The following HTR1F variants were observed in gnomAD, a reference collection of about 807,000 sequenced individuals.
The protein encoded by HTR1F is 5-hydroxytryptamine (serotonin) receptor 1F, G protein-coupled.
In HTR1F, 17 loss-of-function variants were observed where a neutral mutation model predicts 24.0. The observed-to-expected ratio is 0.71, with a 90% CI of 0.48 to 1.06. The LOEUF (loss-of-function observed/expected upper bound fraction) is 1.06. Among genes scored for constraint, HTR1F ranks in the 50% least tolerant of loss-of-function variants. The probability of loss-of-function intolerance (pLI) is 0.00; values close to 1 mark genes in which losing one functional copy is unlikely to be tolerated. For synonymous variants in HTR1F, 186 were observed against 156.8 expected, an observed-to-expected ratio of 1.19 and a Z score of -1.39; for missense variants, 391 against 427.8, an observed-to-expected ratio of 0.91 and a Z score of 0.76.
At chr3:87,889,212 C>G (rs566929642) in intron 2 of HTR1F, among the ~76,000 whole-genome samples, 1 of 152,234 alleles carries the variant, frequency 6.6e-6, no homozygotes, top group African/African-American at 2.4e-5. Context: ...CAGTCTTAAA[C>G]TTTCCAGCCA....
At chr3:87,911,947 T>C (rs1304378118) in intron 2 of HTR1F, among the ~76,000 whole-genome samples, 1 of 152,026 alleles carries the variant, frequency 6.6e-6, no homozygotes, top group Non-Finnish European at 1.5e-5. Flanking sequence ...TATAACAAAC[T>C]GACAGCCAAC....
intron 2 of HTR1F, among the ~76,000 whole-genome samples, chr3:87,855,874 A>C (rs1044217308): frequency 6.6e-6 from 1 of 152,020 alleles, no homozygotes; most frequent in Non-Finnish European, 1.5e-5. Flanking sequence ...TCTCAGTATT[A>C]GATTAACTCT....
At chr3:87,915,659 A>C (rs1432125987) in intron 2 of HTR1F, among the ~76,000 whole-genome samples, 1 of 152,156 alleles carries the variant, frequency 6.6e-6, no homozygotes, top group Non-Finnish European at 1.5e-5. Context: ...AAAGACAAAG[A>C]AAAAAGAATG....
chr3:87,806,412 T>A (rs1435654193), intron 1 of HTR1F, among the ~76,000 whole-genome samples: 1 of 152,092 alleles, frequency 6.6e-6, no homozygotes, highest in African/African-American at 2.4e-5. Flanking sequence ...ATTTTTTGTC[T>A]TTTTAAAAAT....
intron 2 of HTR1F, among the ~76,000 whole-genome samples, chr3:87,940,102 T>C (rs1223383742): frequency 6.6e-6 from 1 of 152,192 alleles, no homozygotes; most frequent in Non-Finnish European, 1.5e-5. Context: ...TATTTATTTC[T>C]GCCTTAATTT....
chr3:87,809,308 C>T (rs1186596501), intron 1 of HTR1F, among the ~76,000 whole-genome samples: 1 of 151,870 alleles, frequency 6.6e-6, no homozygotes, highest in Non-Finnish European at 1.5e-5. Flanking sequence ...TTATAAATCA[C>T]TCTTAATCGT....
At chr3:87,888,249 C>T (rs1706001499) in intron 2 of HTR1F, among the ~76,000 whole-genome samples, 1 of 152,076 alleles carries the variant, frequency 6.6e-6, no homozygotes, top group Non-Finnish European at 1.5e-5. Context: ...TTCTTTCACT[C>T]ATAGGTGTGA....
At chr3:87,850,924 C>T (rs1705072541) in intron 2 of HTR1F, among the ~76,000 whole-genome samples, 1 of 151,082 alleles carries the variant, frequency 6.6e-6, no homozygotes, top group Non-Finnish European at 1.5e-5. Flanking sequence ...TTTTTATTTA[C>T]CTAAATTTTC....
intron 1 of HTR1F, among the ~76,000 whole-genome samples, chr3:87,801,517 G>T (rs111386738): frequency 6.6e-6 from 1 of 152,014 alleles, no homozygotes; most frequent in Middle Eastern, 3.2e-3. Flanking sequence ...GACATGAGAC[G>T]TCAATCAATA....
chr3:87,927,927 G>A (rs190139260), intron 2 of HTR1F, among the ~76,000 whole-genome samples: 1 of 152,014 alleles, frequency 6.6e-6, no homozygotes, highest in Admixed American at 6.6e-5. Context: ...TATATCAATG[G>A]TAATCAAGAA....
chr3:87,874,896 C>T (rs768167736), intron 2 of HTR1F, among the ~76,000 whole-genome samples: 1 of 152,040 alleles, frequency 6.6e-6, no homozygotes, highest in Admixed American at 6.6e-5. Flanking sequence ...AGGGTAGTCT[C>T]CTCAACAAAT....
At chr3:87,846,947 T>C (rs1419127171) in intron 2 of HTR1F, among the ~76,000 whole-genome samples, 1 of 151,854 alleles carries the variant, frequency 6.6e-6, no homozygotes, top group Non-Finnish European at 1.5e-5. Context: ...AATAATTTTA[T>C]GGCAAGTATA....
At chr3:87,943,651 C>T (rs532920372) in intron 2 of HTR1F, among the ~76,000 whole-genome samples, 3 of 152,240 alleles carry the variant, frequency 2.0e-5, no homozygotes, top group East Asian at 1.9e-4. Flanking sequence ...ACACTTTTTA[C>T]ATAATTGCGA....
chr3:87,946,671 G>T (rs935457949), intron 2 of HTR1F, among the ~76,000 whole-genome samples: 51 of 150,164 alleles, frequency 3.4e-4, no homozygotes, highest in African/African-American at 1.2e-3. Flanking sequence ...ACCCAGGCTG[G>T]AGTGCAGTGG....
chr3:87,831,260 AAAAT>A (rs1253271842), intron 2 of HTR1F, among the ~76,000 whole-genome samples: 1 of 151,436 alleles, frequency 6.6e-6, no homozygotes, highest in Non-Finnish European at 1.5e-5. Flanking sequence ...TTTGGTCTAC[AAAAT>A]AAATAACAAT....
At chr3:87,909,655 T>G (rs1469118604) in intron 2 of HTR1F, among the ~76,000 whole-genome samples, 1 of 152,040 alleles carries the variant, frequency 6.6e-6, no homozygotes, top group Non-Finnish European at 1.5e-5. Flanking sequence ...TTCTAAACCA[T>G]CATAGAAGTT....
intron 2 of HTR1F, among the ~76,000 whole-genome samples, chr3:87,870,327 T>C (rs1463679579): frequency 6.6e-6 from 1 of 152,032 alleles, no homozygotes; most frequent in African/African-American, 2.4e-5. Context: ...AGAACAACAG[T>C]AGTAAGATGG....
chr3:87,842,592 T>A (rs1704833919), intron 2 of HTR1F, among the ~76,000 whole-genome samples: 1 of 151,950 alleles, frequency 6.6e-6, no homozygotes, highest in Non-Finnish European at 1.5e-5. Flanking sequence ...AAAAACCGTC[T>A]TAAATAATGA....
In HTR1F at chr3:87,923,932, G is replaced by C. The variant is rs192570683; in HGVS notation, c.-42-66776G>C. Among the ~76,000 whole-genome samples, 9 of 152,024 alleles carry C rather than the reference G, an allele frequency of 5.9e-5. No individual in the cohort carries two copies. The East Asian group carries it at 1.2e-3, about 20-fold the overall frequency. On this transcript the variant is annotated intron_variant, in intron 2 of 2. Transcript: ENST00000319595. ...GAGGATGTTTGCATCTCTGTTCATT[G>C]AGGATATTGGCCTTTAGTTTTCTTT...
Sources: gnomAD v4.1 joint callset for allele counts (sites outside exome capture counted in the v4.1 genomes callset) on GRCh38, gnomAD v4.1.1 for gene constraint, MANE v1.5 for transcripts, NCBI Gene and HGNC (gene_info 2026-07-23, HGNC 2026-07-21) for gene names.